The following QTMAN variants were observed in gnomAD, a reference collection of about 807,000 sequenced individuals.
QTMAN encodes the protein queuosine-tRNA mannosyltransferase.
chr2:144,257,538 G>A, the QTMAN span, among the ~76,000 whole-genome samples: 2 of 152,134 alleles, frequency 1.3e-5, no homozygotes, highest in African/African-American at 4.8e-5. Flanking sequence ...TGACTCGTGG[G>A]CCTCAATGGC....
At chr2:144,233,594 C>T in the QTMAN span, among the ~76,000 whole-genome samples, 3 of 152,276 alleles carry the variant, frequency 2.0e-5, no homozygotes, top group East Asian at 5.8e-4. Context: ...AAGCCTATAA[C>T]AGTGCCAGGC....
the QTMAN span, among the ~76,000 whole-genome samples, chr2:144,133,464 T>A: frequency 8.2e-3 from 454 of 55,542 alleles, 4 homozygotes; most frequent in African/African-American, 0.03. Flanking sequence ...ATAATATATA[T>A]TATATATTAT....
At chr2:144,283,003 G>A in the QTMAN span, among the ~76,000 whole-genome samples, 4 of 152,204 alleles carry the variant, frequency 2.6e-5, no homozygotes, top group Admixed American at 6.5e-5. Flanking sequence ...GAAAGAAGTT[G>A]CTGCGCCCAG....
the QTMAN span, among the ~76,000 whole-genome samples, chr2:143,967,302 A>T: frequency 2.6e-5 from 4 of 152,088 alleles, no homozygotes; most frequent in African/African-American, 9.7e-5. Flanking sequence ...GTTAAGAGTA[A>T]TTCTTCTGGC....
At chr2:144,329,665 T>C in the QTMAN span, among the ~76,000 whole-genome samples, 1 of 152,320 alleles carries the variant, frequency 6.6e-6, no homozygotes, top group Non-Finnish European at 1.5e-5. Flanking sequence ...AGAACAAAAT[T>C]AGCAGTGTGA....
chr2:144,241,960 G>T, the QTMAN span, among the ~76,000 whole-genome samples: 12 of 152,072 alleles, frequency 7.9e-5, no homozygotes, highest in Non-Finnish European at 7.4e-5. Context: ...TTCTTAACTG[G>T]CAGGTGGAAA....
At chr2:144,083,226 C>T in the QTMAN span, among the ~76,000 whole-genome samples, 4 of 152,184 alleles carry the variant, frequency 2.6e-5, no homozygotes, top group Non-Finnish European at 4.4e-5. Flanking sequence ...GAAAAGGCCA[C>T]GCAGCTTCCA....
chr2:143,991,686 T>TG, the QTMAN span, among the ~76,000 whole-genome samples: 2 of 105,738 alleles, frequency 1.9e-5, no homozygotes, highest in East Asian at 3.1e-4. Flanking sequence ...GGGAGGGAGG[T>TG]GGGGGGTCAG....
chr2:144,043,229 G>T, the QTMAN span, among the ~76,000 whole-genome samples: 1 of 108,992 alleles, frequency 9.2e-6, no homozygotes, highest in Non-Finnish European at 2.3e-5. Flanking sequence ...GTGTGAATTT[G>T]TGTGTGTGTG....
the QTMAN span, among the ~76,000 whole-genome samples, chr2:144,095,817 A>C: frequency 1.3e-5 from 2 of 152,102 alleles, no homozygotes; most frequent in African/African-American, 4.8e-5. Flanking sequence ...GGCTACCTAT[A>C]ATGCTTTATT....
the QTMAN span, among the ~76,000 whole-genome samples, chr2:144,112,648 A>G: frequency 6.6e-6 from 1 of 152,240 alleles, no homozygotes. Flanking sequence ...CAAAGGCCTA[A>G]GCAGAGAACC....
At chr2:144,271,969 C>T in the QTMAN span, among the ~76,000 whole-genome samples, 1 of 152,170 alleles carries the variant, frequency 6.6e-6, no homozygotes, top group African/African-American at 2.4e-5. Context: ...CAAAGGTAAC[C>T]ACTTTGCTGA....
chr2:144,247,778 A>T, the QTMAN span, among the ~76,000 whole-genome samples: 1 of 152,008 alleles, frequency 6.6e-6, no homozygotes, highest in Non-Finnish European at 1.5e-5. Context: ...GGCTCAGGAG[A>T]TTCTCCCACC....
chr2:144,145,487 T>A, the QTMAN span: 2 of 912,988 alleles, frequency 2.2e-6, no homozygotes, highest in Non-Finnish European at 3.4e-6. Context: ...AGGTGTACAA[T>A]AGTAGGTCTC....
the QTMAN span, among the ~76,000 whole-genome samples, chr2:144,307,323 A>G: frequency 6.6e-6 from 1 of 152,144 alleles, no homozygotes. Flanking sequence ...GCTCTACCTG[A>G]TATGGTACAT....
chr2:144,257,760 C>A, the QTMAN span, among the ~76,000 whole-genome samples: 1 of 151,982 alleles, frequency 6.6e-6, no homozygotes, highest in East Asian at 1.9e-4. Flanking sequence ...TGATCCTATT[C>A]AAAAATGAGT....
At chr2:144,135,479 C>T in the QTMAN span, among the ~76,000 whole-genome samples, 1 of 152,162 alleles carries the variant, frequency 6.6e-6, no homozygotes, top group Non-Finnish European at 1.5e-5. Context: ...TGAAGTATTC[C>T]TCCTATTCTG....
At chr2:143,977,788 G>C in the QTMAN span, among the ~76,000 whole-genome samples, 1 of 152,278 alleles carries the variant, frequency 6.6e-6, no homozygotes, top group East Asian at 1.9e-4. Flanking sequence ...ATGTGTATCA[G>C]GGTTTCATGC....
the QTMAN span, among the ~76,000 whole-genome samples, chr2:144,299,804 A>T: frequency 6.6e-6 from 1 of 152,250 alleles, no homozygotes; most frequent in African/African-American, 2.4e-5. Flanking sequence ...AGGGACTTGA[A>T]CAGATTATTT....
Sources: allele counts gnomAD v4.1 joint callset (sites outside exome capture counted in the v4.1 genomes callset), GRCh38; gene constraint gnomAD v4.1.1; transcripts MANE v1.5; gene names NCBI Gene and HGNC (gene_info 2026-07-23, HGNC 2026-07-21).